The following TMCO6 variants were observed in gnomAD, a reference collection of about 807,000 sequenced individuals.
TMCO6 encodes transmembrane and coiled-coil domain-containing protein 6.
In TMCO6, 47 loss-of-function variants were observed where a neutral mutation model predicts 61.8. The ratio of observed to expected loss-of-function variants is 0.76; its 90% CI spans 0.60 to 0.97. The LOEUF is 0.97. TMCO6 is among the 50% of genes least tolerant of loss of function. The pLI is 0.00. For missense variants in TMCO6, 557 were observed against 601.6 expected (o/e 0.93, Z 0.78); for synonymous variants, 261 against 254.2 (o/e 1.03, Z -0.25).
intron 2 of TMCO6, 49 bp downstream of exon 2, chr5:140,639,900 G>A: frequency 6.6e-7 from 1 of 1,515,670 alleles, no homozygotes; most frequent in Non-Finnish European, 9.0e-7. Context: ...GCTGGCGCCA[G>A]ACTCCCGGGA....
upstream of TMCO6, chr5:140,639,312 G>A (rs62384216): frequency 0.043 from 24,420 of 569,976 alleles, 738 homozygotes; most frequent in Non-Finnish European, 0.055. Flanking sequence ...TCTGGCTCTG[G>A]TCTAGTGGTG....
At chr5:140,636,462 C>T (rs1366678566), upstream of TMCO6, among the ~76,000 whole-genome samples, 1 of 141,470 alleles carries the variant, frequency 7.1e-6, no homozygotes, top group Non-Finnish European at 1.5e-5. Context: ...GAGCAAGACC[C>T]TGGCTCAAAA....
At chr5:140,620,165 T>A in the TMCO6 span, among the ~76,000 whole-genome samples, 1 of 152,222 alleles carries the variant, frequency 6.6e-6, no homozygotes, top group Non-Finnish European at 1.5e-5. Flanking sequence ...AACTGTGGTA[T>A]ATCCAGACAA....
chr5:140,613,893 TG>T, the TMCO6 span, among the ~76,000 whole-genome samples: 320 of 149,296 alleles, frequency 2.1e-3, no homozygotes, highest in Admixed American at 5.0e-3. Flanking sequence ...CGTTTTTTTT[TG>T]TTGTTGTTGT....
intron 5 of TMCO6, 82 bp downstream of exon 5, chr5:140,642,501 C>T: frequency 6.2e-7 from 1 of 1,600,760 alleles, no homozygotes; most frequent in Non-Finnish European, 8.6e-7. Context: ...GTAGCTCCAG[C>T]CTCTGCCCTG....
At chr5:140,604,205 G>A in the TMCO6 span, among the ~76,000 whole-genome samples, 1 of 151,902 alleles carries the variant, frequency 6.6e-6, no homozygotes, top group African/African-American at 2.4e-5. Context: ...ACCAGCCTGG[G>A]CAACATAGCT....
chr5:140,630,051 G>A, the TMCO6 span, among the ~76,000 whole-genome samples: 7 of 150,656 alleles, frequency 4.6e-5, no homozygotes, highest in Middle Eastern at 3.2e-3. Context: ...GTGCAGTGGC[G>A]TGATCTTGGC....
the TMCO6 span, among the ~76,000 whole-genome samples, chr5:140,624,856 C>T: frequency 0.023 from 717 of 31,630 alleles, 30 homozygotes; most frequent in African/African-American, 0.088. Flanking sequence ...TTCTTTCTTT[C>T]TTTTTTTTTT....
chr5:140,636,534 T>A (rs895529276), upstream of TMCO6, among the ~76,000 whole-genome samples: 1 of 147,166 alleles, frequency 6.8e-6, no homozygotes, highest in African/African-American at 2.7e-5. Context: ...AGAAAATAAA[T>A]TTTTTTTAAT....
At chr5:140,632,725 T>C in the TMCO6 span, 1 of 1,613,756 alleles carries the variant, frequency 6.2e-7, no homozygotes, top group Non-Finnish European at 8.5e-7. The surrounding 1 kb of genome is among the most constrained non-coding windows in gnomAD (Gnocchi z 6.2). Context: ...CGGAGAGCCT[T>C]GACCGTGTCA....
Position 140,643,627 on chromosome 5 carries a change from G to GGACTTGGCTGGGGCTGTCCAGAAAACCGA in TMCO6, c.872_900dup (p.Asp301ThrfsTer25), listed in dbSNP as rs1445765561. The GGACTTGGCTGGGGCTGTCCAGAAAACCGA allele has an allele frequency of 2.2e-5, 36 of 1,613,974 alleles. No homozygotes were observed. The Admixed American group carries it at 6.0e-4, about 27-fold the overall frequency. Reference sequence around the variant, plus strand: ...TGTCTACTCTGGGGTTGCTGCTGTTGGACTTGGCTGGGGCTGTCCAGAAAA... The same window carrying GGACTTGGCTGGGGCTGTCCAGAAAACCGA: ...TGTCTACTCTGGGGTTGCTGCTGTTGGACTTGGCTGGGGCTGTCCAGAAAACCGAGACTTGGCTGGGGCTGTCCAGAAAA... On this transcript the variant is annotated frameshift_variant, in exon 8 of 12. Transcript: ENST00000394671. LOFTEE classifies it high-confidence loss of function.
At chr5:140,598,251 G>A in the TMCO6 span, among the ~76,000 whole-genome samples, 1 of 151,332 alleles carries the variant, frequency 6.6e-6, no homozygotes. Context: ...TTGTTGCCCA[G>A]GCTGGAGTGC....
upstream of TMCO6, among the ~76,000 whole-genome samples, chr5:140,637,757 C>T (rs1310961183): frequency 6.6e-6 from 1 of 152,142 alleles, no homozygotes; most frequent in African/African-American, 2.4e-5. Context: ...TATCTTAACC[C>T]AGACATTCCT....
chr5:140,625,263 C>T, the TMCO6 span, among the ~76,000 whole-genome samples: 2 of 152,188 alleles, frequency 1.3e-5, no homozygotes, highest in Admixed American at 1.3e-4. Context: ...AAAATGGAAA[C>T]CAGTTTATGT....
chr5:140,634,095 C>T, the TMCO6 span, among the ~76,000 whole-genome samples: 1 of 152,084 alleles, frequency 6.6e-6, no homozygotes, highest in African/African-American at 2.4e-5. Context: ...GCAGTACTAA[C>T]TTTCTTAAAA....
At chr5:140,606,890 G>A in the TMCO6 span, among the ~76,000 whole-genome samples, 3 of 152,084 alleles carry the variant, frequency 2.0e-5, no homozygotes, top group Admixed American at 6.6e-5. Context: ...GACAAGATGT[G>A]GGGGTGGAAT....
chr5:140,645,714 G>C, downstream of TMCO6: 1 of 1,614,002 alleles, frequency 6.2e-7, no homozygotes, highest in Non-Finnish European at 8.5e-7. Flanking sequence ...TAACTATTCT[G>C]CACCCTGGAG....
At chr5:140,599,784 C>T in the TMCO6 span, among the ~76,000 whole-genome samples, 502 of 152,238 alleles carry the variant, frequency 3.3e-3, 3 homozygotes, top group Middle Eastern at 0.014. Flanking sequence ...ACCTGTAATC[C>T]CAGCTAGTCG....
intron 2 of TMCO6, chr5:140,641,277 AAG>A (rs1461755197): frequency 6.0e-6 from 1 of 166,834 alleles, no homozygotes; most frequent in African/African-American, 2.4e-5. Flanking sequence ...AAAAAAGAAA[AAG>A]AAAAAGCTCA....
Sources: gnomAD v4.1 joint callset for allele counts (sites outside exome capture counted in the v4.1 genomes callset) on GRCh38, gnomAD v4.1.1 for gene constraint, Gnocchi (gnomAD v3.1) non-coding constraint, MANE v1.5 for transcripts, NCBI Gene and HGNC (gene_info 2026-07-23, HGNC 2026-07-21) for gene names.